The following RAC1 variants were observed in gnomAD, a reference collection of about 807,000 sequenced individuals.
The protein encoded by RAC1 is ras-related C3 botulinum toxin substrate 1.
Under a neutral mutation model 25.2 loss-of-function variants are expected in RAC1, and 2 were observed. That is an observed-to-expected ratio of 0.08 (90% CI 0.03 to 0.25). RAC1 has a LOEUF of 0.25. Among genes scored for constraint, RAC1 ranks in the 10% least tolerant of loss-of-function variants. The pLI is 1.00. For missense variants in RAC1, 50 were observed against 235.7 expected (o/e 0.21, Z 5.16); for synonymous variants, 88 against 94.0 (o/e 0.94, Z 0.37).
rs549059842 is a variant in RAC1 at position 6,388,455 on chromosome 7, C to G, written c.107+1172C>G. On this transcript the variant is annotated intron_variant, in intron 2 of 5. Transcript: ENST00000348035. ...CTGCCTCCTGGGTTCAAGTGATTCTCTGCCTCAGCCTCCCAGGTAGCTGTG... is the reference window on the plus strand; with the variant it reads ...CTGCCTCCTGGGTTCAAGTGATTCTGTGCCTCAGCCTCCCAGGTAGCTGTG... Among the ~76,000 whole-genome samples the G allele has an allele frequency of 1.3e-3, 199 of 147,664 alleles. 1 individual carries two copies. Among genetic ancestry groups the G allele is most frequent in the South Asian group, 4.6e-3 (21 of 4,562 alleles).
chr7:6,383,283 C>T (rs113713304), intron 1 of RAC1, among the ~76,000 whole-genome samples: 15 of 152,254 alleles, frequency 9.9e-5, no homozygotes, highest in Non-Finnish European at 1.6e-4. Flanking sequence ...GGAAGCGCAG[C>T]GTGGACAAGG....
chr7:6,383,460 A>C (rs1782830123), intron 1 of RAC1, among the ~76,000 whole-genome samples: 1 of 151,004 alleles, frequency 6.6e-6, no homozygotes, highest in Non-Finnish European at 1.5e-5. Flanking sequence ...TTTAATAATC[A>C]TATTCTTATA....
At chr7:6,390,573 C>G (rs1171113819) in intron 2 of RAC1, among the ~76,000 whole-genome samples, 1 of 151,262 alleles carries the variant, frequency 6.6e-6, no homozygotes, top group Non-Finnish European at 1.5e-5. Context: ...GCACTCCAGC[C>G]TGGGTGACAG....
chr7:6,400,927 G>A (rs1046633603), intron 4 of RAC1, among the ~76,000 whole-genome samples: 4 of 151,182 alleles, frequency 2.6e-5, no homozygotes, highest in African/African-American at 9.7e-5. Context: ...CGCGCGTCTC[G>A]GCCTCCCAAA....
chr7:6,376,698 T>G (rs1782612725), intron 1 of RAC1, among the ~76,000 whole-genome samples: 1 of 149,906 alleles, frequency 6.7e-6, no homozygotes, highest in African/African-American at 2.4e-5. Context: ...TTTGTATTTT[T>G]TTGGTGGAGA....
At chr7:6,386,644 CGTG>C (rs371196746) in intron 1 of RAC1, among the ~76,000 whole-genome samples, 2 of 151,496 alleles carry the variant, frequency 1.3e-5, no homozygotes, top group African/African-American at 2.4e-5. Context: ...ATTATCCAGG[CGTG>C]GTGGTGGACA....
chr7:6,397,383 C>T (rs1783274758), intron 3 of RAC1, among the ~76,000 whole-genome samples: 1 of 152,026 alleles, frequency 6.6e-6, no homozygotes, highest in African/African-American at 2.4e-5. Flanking sequence ...CAACCTCCAC[C>T]TCCCGGGTTC....
At chr7:6,390,930 A>G (rs537689013) in intron 2 of RAC1, among the ~76,000 whole-genome samples, 3 of 151,932 alleles carry the variant, frequency 2.0e-5, no homozygotes, top group Admixed American at 2.0e-4. Flanking sequence ...CGAGTTTCGC[A>G]CTTGTTGCCC....
chr7:6,379,268 ATTTTTTTTTTT>A (rs768891793), intron 1 of RAC1, among the ~76,000 whole-genome samples: 20 of 105,784 alleles, frequency 1.9e-4, no homozygotes, highest in Non-Finnish European at 3.4e-4. Context: ...TGCCGAGGTA[ATTTTTTTTTTT>A]TTTTTTTTTT....
At chr7:6,381,605 G>C (rs1339368433) in intron 1 of RAC1, among the ~76,000 whole-genome samples, 1 of 152,030 alleles carries the variant, frequency 6.6e-6, no homozygotes, top group East Asian at 1.9e-4. Flanking sequence ...GTGCTGCCCA[G>C]GCTGGTCTTG....
At chr7:6,377,180 T>G (rs1413517054) in intron 1 of RAC1, among the ~76,000 whole-genome samples, 1 of 151,194 alleles carries the variant, frequency 6.6e-6, no homozygotes, top group Non-Finnish European at 1.5e-5. Context: ...TAAAAGTCTG[T>G]GGCCTTGAGT....
chr7:6,391,697 C>A, intron 2 of RAC1: 1 of 532,064 alleles, frequency 1.9e-6, no homozygotes, highest in South Asian at 3.1e-5. Flanking sequence ...ACTTAAATAG[C>A]TTGTTGTTTG....
chr7:6,387,554 T>A (rs1032419324), intron 2 of RAC1, among the ~76,000 whole-genome samples: 1 of 152,020 alleles, frequency 6.6e-6, no homozygotes, highest in Non-Finnish European at 1.5e-5. Flanking sequence ...TGAAACCCCA[T>A]CTCTACTAAA....
chr7:6,397,877 T>C (rs1257923248), intron 3 of RAC1, among the ~76,000 whole-genome samples: 1 of 152,160 alleles, frequency 6.6e-6, no homozygotes, highest in East Asian at 1.9e-4. Context: ...TAGTCCCAGC[T>C]ACTTGGGAGG....
chr7:6,397,200 C>A (rs1333148270), intron 3 of RAC1, among the ~76,000 whole-genome samples: 1 of 145,096 alleles, frequency 6.9e-6, no homozygotes, highest in African/African-American at 2.5e-5. Context: ...GAGATCGCGC[C>A]ACTGCACTCC....
intron 3 of RAC1, chr7:6,399,786 T>C (rs917958640): frequency 3.8e-5 from 9 of 237,108 alleles, no homozygotes; most frequent in East Asian, 3.4e-4. Context: ...TACAGAAATA[T>C]TGGAATCATA....
chr7:6,401,783 A>G (rs1463073494), intron 4 of RAC1, 85 bp from the exon 5 acceptor site: 5 of 1,465,560 alleles, frequency 3.4e-6, no homozygotes, highest in Middle Eastern at 1.8e-4. Context: ...GGTGTCTGGC[A>G]TGAGTGCCGC....
At position 6,402,347 on chromosome 7, in the gene RAC1, C is replaced by G. The variant is rs769668890; in HGVS notation, c.480C>G (p.Leu160=). Residue 160 remains leucine (L), a synonymous_variant, in exon 6 of 6, where the codon CTC becomes CTG. Coordinates refer to ENST00000348035, the MANE Select transcript of RAC1 (RefSeq NM_006908.5). The part of the protein sequence containing the change: ...GAVKYLECSA[L]TQRGLKTVFD... ...TAAAATACCTGGAGTGCTCGGCGCT[C>G]ACACAGCGAGGCCTCAAGACAGTGT... is the stretch of plus-strand genomic sequence containing the variant. 1 of 1,611,816 alleles carries G rather than the reference C, an allele frequency of 6.2e-7. No individual in the cohort carries two copies. The highest frequency in any genetic ancestry group is 1.3e-5 in the African/African-American group (1 of 74,734).
chr7:6,400,902 CG>C (rs1447624894), intron 4 of RAC1, among the ~76,000 whole-genome samples: 3 of 150,812 alleles, frequency 2.0e-5, no homozygotes, highest in Admixed American at 2.0e-4. Context: ...CTCGAACTCC[CG>C]ACCTCAGGTG....
Sources: gnomAD v4.1 joint callset for allele counts (sites outside exome capture counted in the v4.1 genomes callset) on GRCh38, gnomAD v4.1.1 for gene constraint, MANE v1.5 for transcripts, NCBI Gene and HGNC (gene_info 2026-07-23, HGNC 2026-07-21) for gene names.